Variants in PALM2AKAP2 observed in about 807,000 individuals in gnomAD.
PALM2AKAP2 encodes PALM2 and AKAP2 fusion, also known as PALM2-AKAP2 fusion protein.
In PALM2AKAP2, 37 loss-of-function variants were observed where a neutral mutation model predicts 71.5. The ratio of observed to expected loss-of-function variants is 0.52; its 90% CI spans 0.40 to 0.68. PALM2AKAP2 has a LOEUF of 0.68. Ranked by LOEUF, PALM2AKAP2 falls within the 30% of genes least tolerant of loss-of-function variation. The pLI, the probability that PALM2AKAP2 is intolerant of heterozygous loss-of-function variation, is 0.00. For synonymous variants in PALM2AKAP2, 468 were observed against 478.8 expected, an observed-to-expected ratio of 0.98 and a Z score of 0.29; for missense variants, 1,224 against 1,191.8, an observed-to-expected ratio of 1.03 and a Z score of -0.40.
At chr9:110,074,949 G>A (rs1834287273) in intron 1 of PALM2AKAP2, among the ~76,000 whole-genome samples, 1 of 152,014 alleles carries the variant, frequency 6.6e-6, no homozygotes. Context: ...GTTGCAGTGA[G>A]CCAAGATTGT....
intron 1 of PALM2AKAP2, among the ~76,000 whole-genome samples, chr9:110,090,960 ATT>A (rs34697595): frequency 5.4e-5 from 8 of 148,152 alleles, no homozygotes; most frequent in Admixed American, 1.3e-4. Context: ...ATCTAGCTCA[ATT>A]TTTTTTTTTT....
intron 1 of PALM2AKAP2, among the ~76,000 whole-genome samples, chr9:110,123,887 G>A (rs1034515954): frequency 6.6e-6 from 1 of 152,172 alleles, no homozygotes; most frequent in African/African-American, 2.4e-5. Context: ...AATGCCATTG[G>A]CATGTGATTT....
intron 1 of PALM2AKAP2, among the ~76,000 whole-genome samples, chr9:109,770,256 C>T (rs574890862): frequency 1.7e-4 from 26 of 152,134 alleles, no homozygotes; most frequent in Non-Finnish European, 3.4e-4. Context: ...TTCTAAGACC[C>T]AGAGCAGATT....
intron 1 of PALM2AKAP2, among the ~76,000 whole-genome samples, chr9:109,713,130 T>A (rs1463701679): frequency 1.3e-5 from 2 of 152,210 alleles, no homozygotes; most frequent in Middle Eastern, 3.2e-3. Context: ...ATTGTGGAGT[T>A]TGGGCCAAAT....
At chr9:110,025,275 G>T (rs1833156125) in intron 7 of PALM2AKAP2, 1 of 1,155,368 alleles carries the variant, frequency 8.7e-7, no homozygotes, top group Non-Finnish European at 1.3e-6. Context: ...GCATATACGT[G>T]GCCAAAGGAA....
intron 3 of PALM2AKAP2, among the ~76,000 whole-genome samples, chr9:110,160,133 GA>G (rs1054838944): frequency 1.3e-5 from 2 of 151,740 alleles, no homozygotes; most frequent in South Asian, 2.1e-4. Context: ...TGTGAATTAG[GA>G]AAAAAAACCA....
chr9:109,752,818 G>T (rs1564134914), intron 1 of PALM2AKAP2, among the ~76,000 whole-genome samples: 1 of 152,154 alleles, frequency 6.6e-6, no homozygotes, highest in Non-Finnish European at 1.5e-5. Flanking sequence ...CCACCTAGAG[G>T]CAAGAGACCA....
intron 1 of PALM2AKAP2, among the ~76,000 whole-genome samples, chr9:109,694,821 A>G (rs1191221800): frequency 6.6e-6 from 1 of 152,100 alleles, no homozygotes; most frequent in Admixed American, 6.5e-5. Context: ...AATCAGACTT[A>G]GACAATGAAA....
At chr9:110,060,244 C>G (rs753280429) in intron 1 of PALM2AKAP2, among the ~76,000 whole-genome samples, 1 of 152,036 alleles carries the variant, frequency 6.6e-6, no homozygotes, top group Non-Finnish European at 1.5e-5. Flanking sequence ...TCCCAAGTAG[C>G]TGAGACAACA....
chr9:110,005,401 C>G (rs1434720170), intron 6 of PALM2AKAP2, among the ~76,000 whole-genome samples: 1 of 152,194 alleles, frequency 6.6e-6, no homozygotes. Context: ...TGTCTCAGAG[C>G]AGTACCCGGC....
At chr9:109,669,857 C>A (rs1399678282) in intron 1 of PALM2AKAP2, among the ~76,000 whole-genome samples, 1 of 151,718 alleles carries the variant, frequency 6.6e-6, no homozygotes, top group Non-Finnish European at 1.5e-5. Context: ...ATTAACTATT[C>A]CAAAGTACCA....
At chr9:110,144,875 G>A (rs1836125445) in intron 2 of PALM2AKAP2, among the ~76,000 whole-genome samples, 1 of 152,120 alleles carries the variant, frequency 6.6e-6, no homozygotes, top group South Asian at 2.1e-4. Context: ...TACTACTAGA[G>A]CCCAGAGAGA....
At chr9:109,692,661 C>T (rs1428446556) in intron 1 of PALM2AKAP2, among the ~76,000 whole-genome samples, 1 of 151,830 alleles carries the variant, frequency 6.6e-6, no homozygotes, top group Non-Finnish European at 1.5e-5. Context: ...TTAATTTTGT[C>T]AAATGGTTTT....
intron 6 of PALM2AKAP2, among the ~76,000 whole-genome samples, chr9:109,946,905 A>G (rs998883194): frequency 3.3e-5 from 5 of 152,050 alleles, no homozygotes; most frequent in African/African-American, 1.2e-4. Context: ...TCTTAAAAAT[A>G]TTTTCTTTCT....
chr9:109,969,152 G>GCTGACAT (rs1358967237), intron 6 of PALM2AKAP2, among the ~76,000 whole-genome samples: 2 of 151,446 alleles, frequency 1.3e-5, no homozygotes, highest in Non-Finnish European at 2.9e-5. Flanking sequence ...GGACATTTCA[G>GCTGACAT]CTGACATCTG....
At chr9:109,826,786 C>T (rs1342635688) in intron 1 of PALM2AKAP2, among the ~76,000 whole-genome samples, 1 of 152,104 alleles carries the variant, frequency 6.6e-6, no homozygotes, top group Non-Finnish European at 1.5e-5. Flanking sequence ...TCTTCTTATT[C>T]TTATCATCTT....
intron 1 of PALM2AKAP2, among the ~76,000 whole-genome samples, chr9:109,755,597 C>A (rs1355171425): frequency 6.6e-6 from 1 of 152,076 alleles, no homozygotes; most frequent in African/African-American, 2.4e-5. Context: ...CTGCAGTGAG[C>A]TATGATCATG....
chr9:109,996,677 GA>G (rs544925795), intron 6 of PALM2AKAP2, among the ~76,000 whole-genome samples: 1 of 152,360 alleles, frequency 6.6e-6, no homozygotes, highest in South Asian at 2.1e-4. Flanking sequence ...CTATGACAGA[GA>G]AAAGCTCTTT....
intron 7 of PALM2AKAP2, among the ~76,000 whole-genome samples, chr9:110,035,375 C>CATATTAT (rs1334749764): frequency 0.022 from 1,508 of 67,794 alleles, 35 homozygotes; most frequent in African/African-American, 0.15. Context: ...ATATTATATA[C>CATATTAT]ATATATTATA....
Sources: gnomAD v4.1 joint callset for allele counts (sites outside exome capture counted in the v4.1 genomes callset) on GRCh38, gnomAD v4.1.1 for gene constraint, MANE v1.5 for transcripts, NCBI Gene and HGNC (gene_info 2026-07-23, HGNC 2026-07-21) for gene names.